The following EXOSC10 variants were observed in gnomAD, a reference collection of about 807,000 sequenced individuals.
EXOSC10 encodes the protein exosome complex component 10.
In EXOSC10, 94 loss-of-function variants were observed where a neutral mutation model predicts 126.6. The observed-to-expected ratio is 0.74, with a 90% confidence interval of 0.63 to 0.88. The LOEUF is 0.88. EXOSC10 is among the 40% of genes least tolerant of loss of function. The probability of loss-of-function intolerance (pLI) is 0.00; values close to 1 mark genes in which losing one functional copy is unlikely to be tolerated. For synonymous variants in EXOSC10, 395 were observed against 400.8 expected (o/e 0.99, Z 0.17); for missense variants, 1,041 against 1,100.5 (o/e 0.95, Z 0.77).
chr1:11,070,600 C>T, intron 21 of EXOSC10: 3 of 290,658 alleles, frequency 1.0e-5, no homozygotes, highest in Non-Finnish European at 1.9e-5. Context: ...TTGTAGGACA[C>T]AGCAGGACAC....
chr1:11,075,792 T>C (rs1639775556), intron 17 of EXOSC10, among the ~76,000 whole-genome samples: 1 of 131,170 alleles, frequency 7.6e-6, no homozygotes. Context: ...AGGCAGAGGT[T>C]GCAGTGAGCC....
At chr1:11,084,760 C>T (rs1419894128) in intron 9 of EXOSC10, among the ~76,000 whole-genome samples, 3 of 152,142 alleles carry the variant, frequency 2.0e-5, no homozygotes, top group African/African-American at 7.2e-5. Flanking sequence ...GGTTTTAGGT[C>T]TAACGTTGTT....
intron 1 of EXOSC10, among the ~76,000 whole-genome samples, chr1:11,099,026 T>C (rs969148937): frequency 3.3e-5 from 5 of 152,328 alleles, no homozygotes; most frequent in East Asian, 1.9e-4. Context: ...AATGAATCAA[T>C]AGCATTAGCT....
Position 11,081,072 on chromosome 1 carries a change from T to C in EXOSC10, c.1437+10A>G, listed in dbSNP as rs745752669. On this transcript the variant is annotated intron_variant, in intron 11 of 24. Transcript: ENST00000376936. ...GTGTCGCGGTCTGTGTGACTGCGGC[T>C]GAGGTGTACCTTGAGGCAGATGTCC... 87 of 1,613,966 alleles carry C rather than the reference T, an allele frequency of 5.4e-5. No individual in the cohort carries two copies. In the Admixed American group the frequency reaches 1.4e-3, roughly 26 times the overall value.
chr1:11,087,704 C>CA (rs1256233395), intron 8 of EXOSC10, 96 bp downstream of exon 8: 50 of 1,471,678 alleles, frequency 3.4e-5, no homozygotes, highest in South Asian at 1.5e-4. Flanking sequence ...AATTTTTTAC[C>CA]AAAAAAAATT....
At position 11,091,529 on chromosome 1, in the gene EXOSC10, C is replaced by G. The variant is rs749012920; in HGVS notation, c.441G>C (p.Gln147His). Residue 147 changes from glutamine (Q) to histidine (H), a missense_variant, in exon 4 of 25, where the codon CAG becomes CAC. Physicochemically the swap from Gln to His is conservative, Grantham distance 24. Coordinates refer to ENST00000376936, the MANE Select transcript of EXOSC10 (RefSeq NM_001001998.3). ...NQQPVLPAGL[Q>H]VPKTVVSSWN... ...AGCTGGACACTACCGTTTTGGGGAC[C>G]TGCAAGCCGGCAGGGAGGACAGGCT... is the stretch of plus-strand genomic sequence containing the variant. The G allele has an allele frequency of 6.2e-6, 10 of 1,614,136 alleles. No homozygotes were observed. The highest frequency in any genetic ancestry group is 8.5e-6 in the Non-Finnish European group (10 of 1,180,028).
At chr1:11,079,849 C>G (rs1471465016) in intron 13 of EXOSC10, 27 bp from the exon 14 acceptor site, 1 of 1,571,118 alleles carries the variant, frequency 6.4e-7, no homozygotes, top group Non-Finnish European at 8.7e-7. Flanking sequence ...ACACACTCAA[C>G]TTGTCACTCA....
chr1:11,099,621 G>C (rs1183139779), intron 1 of EXOSC10, 100 bp downstream of exon 1: 2 of 1,331,384 alleles, frequency 1.5e-6, no homozygotes, highest in Admixed American at 2.9e-5. Context: ...CCCTCGCTCG[G>C]GCTCCACTAC....
chr1:11,070,727 T>C (rs1281950444), intron 21 of EXOSC10, 173 bp downstream of exon 21: 2 of 604,096 alleles, frequency 3.3e-6, no homozygotes, highest in African/African-American at 3.7e-5. Flanking sequence ...ATATCAATCT[T>C]GTGGAGGTTT....
chr1:11,095,436 G>C, intron 3 of EXOSC10: 1 of 213,812 alleles, frequency 4.7e-6, no homozygotes, highest in Non-Finnish European at 9.8e-6. Flanking sequence ...AGGGAAGGCC[G>C]GGTGTGGTGG....
Position 11,091,597 on chromosome 1 carries a change from C to T in EXOSC10, c.373G>A (p.Gly125Ser), listed in dbSNP as rs750524922. The change falls in exon 4 of 25, where the codon GGT (glycine) becomes AGT (serine). Residue 125 changes from glycine (G) to serine (S), a missense_variant and splice_region_variant. Around this residue, in one of 3 missense-constraint regions of EXOSC10, gnomAD observed 645 missense variants for 656.3 expected, o/e 0.98. Transcript: ENST00000376936. ...DANDVILERV[G>S]ILLDEASGVN... ...CCTGAGGCTTCATCCAGTAAAATAC[C>T]CTAAGAGTAGAAGAGGTACTGGTTA... The T allele has an allele frequency of 1.1e-5, 17 of 1,611,840 alleles. No individual in the cohort carries two copies. In the African/African-American group the frequency reaches 1.7e-4, roughly 16 times the overall value.
Position 11,099,785 on chromosome 1 carries a change from C to G in EXOSC10, c.47G>C (p.Ser16Thr). ...TREPRVLSAT[S>T]ATKSDGEMVL... ...CATCTCTCCGTCGGATTTGGTTGCG[C>G]TGGTCGCCGACAGGACCCTGGGCTC... Residue 16 changes from serine (S) to threonine (T), a missense_variant, in exon 1 of 25, where the codon AGC (serine) becomes ACC (threonine). Coordinates refer to ENST00000376936, the MANE Select transcript of EXOSC10 (RefSeq NM_001001998.3). 6.2e-7 allele frequency: 1 copy of G among 1,612,136 alleles called. No individual in the cohort carries two copies. The highest frequency in any genetic ancestry group is 8.5e-7 in the Non-Finnish European group (1 of 1,179,114).
At position 11,068,077 on chromosome 1, in the gene EXOSC10, A is replaced by G. The variant is rs765858127; in HGVS notation, c.2558T>C (p.Ile853Thr). 1 of 1,614,094 alleles carries G rather than the reference A, an allele frequency of 6.2e-7. No individual in the cohort carries two copies. Among genetic ancestry groups the G allele is most frequent in the South Asian group, 1.1e-5 (1 of 91,084 alleles). The stretch of plus-strand genomic sequence containing the variant: ...CGACTGTTTAATTTTTTTGGCTGCA[A>G]TGCATTTCTGAAAAGAAAAGAAACC... Reference protein sequence around the residue: ...NKQTPSGKKCIAAKKIKQSVG... With the variant: ...NKQTPSGKKCTAAKKIKQSVG... Residue 853 changes from isoleucine (I) to threonine (T), a missense_variant, in exon 24 of 25, where the codon ATT (isoleucine) becomes ACT (threonine). By Grantham distance (89) the Ile-to-Thr change is moderately conservative. Transcript: ENST00000376936.
At chr1:11,085,387 G>A (rs1054810838) in intron 9 of EXOSC10, among the ~76,000 whole-genome samples, 3 of 152,276 alleles carry the variant, frequency 2.0e-5, no homozygotes, top group South Asian at 2.1e-4. Flanking sequence ...TCTCTTTGAA[G>A]CAATTGTGAA....
intron 2 of EXOSC10, among the ~76,000 whole-genome samples, chr1:11,097,657 C>A (rs186543650): frequency 6.6e-6 from 1 of 151,318 alleles, no homozygotes; most frequent in African/African-American, 2.4e-5. Context: ...ACCTGGGAGG[C>A]GGAGCTTGCA....
chr1:11,077,014 G>A, intron 16 of EXOSC10, 66 bp from the exon 17 acceptor site: 1 of 1,300,132 alleles, frequency 7.7e-7, no homozygotes, highest in Non-Finnish European at 1.1e-6. Flanking sequence ...TTTTTGAGAT[G>A]GAGTTTTAGT....
rs753340611 is a variant in EXOSC10 at position 11,080,827 on chromosome 1, G to A, written c.1523C>T (p.Thr508Ile). Residue 508 changes from threonine (T) to isoleucine (I), a missense_variant, in exon 12 of 25, where the codon ACA (threonine) becomes ATA (isoleucine). Coordinates refer to ENST00000376936, the MANE Select transcript of EXOSC10 (RefSeq NM_001001998.3). ...CCAGGCAAACAGCAGCTGAAAGGCT[G>A]TCAACTGCTGTGTGTTAAGGTGCTT... is the stretch of plus-strand genomic sequence containing the variant. ...QKKHLNTQQL[T>I]AFQLLFAWRD... The A allele has an allele frequency of 6.2e-7, 1 of 1,614,130 alleles. No individual in the cohort carries two copies. Among genetic ancestry groups the A allele is most frequent in the African/African-American group, 1.3e-5 (1 of 75,064 alleles).
chr1:11,095,951 T>C (rs1233967624), intron 2 of EXOSC10, 70 bp from the exon 3 acceptor site: 4 of 1,561,284 alleles, frequency 2.6e-6, no homozygotes, highest in Non-Finnish European at 2.6e-6. Flanking sequence ...TGAGAGAGAA[T>C]GTTCAAATGA....
chr1:11,069,447 A>T, intron 22 of EXOSC10, 112 bp downstream of exon 22: 4 of 1,232,028 alleles, frequency 3.2e-6, no homozygotes, highest in Non-Finnish European at 4.6e-6. Flanking sequence ...ATTCCTGGCT[A>T]GCACCATGCC....
Sources: allele counts gnomAD v4.1 joint callset (sites outside exome capture counted in the v4.1 genomes callset), GRCh38; gene constraint gnomAD v4.1.1; regional missense constraint gnomAD v4.1.1; transcripts MANE v1.5; gene names NCBI Gene and HGNC (gene_info 2026-07-23, HGNC 2026-07-21).